CCDC181: variants seen among roughly 807,000 people sequenced by gnomAD.
CCDC181 encodes the protein coiled-coil domain containing 181.
Under a neutral mutation model 58.7 loss-of-function variants are expected in CCDC181, and 35 were observed. That is an observed-to-expected ratio of 0.60 (90% CI 0.46 to 0.79). CCDC181 has a LOEUF of 0.79. Among genes scored for constraint, CCDC181 ranks in the 30% least tolerant of loss-of-function variants. The pLI, the probability that CCDC181 is intolerant of heterozygous loss-of-function variation, is 0.00. For synonymous variants in CCDC181, 183 were observed against 197.5 expected (o/e 0.93, Z 0.62); for missense variants, 517 against 583.9 (o/e 0.89, Z 1.18).
intron 2 of CCDC181, chr1:169,454,363 C>T (rs1348692400): frequency 6.6e-6 from 1 of 151,820 alleles, no homozygotes; most frequent in Admixed American, 6.6e-5. Flanking sequence ...AACTACTTGC[C>T]AACTCAAAAA....
rs1369322629 is a variant in CCDC181, at chr1:169,395,087, G to A, written c.1490C>T (p.Ser497Leu). 2 of 1,611,444 alleles carry A rather than the reference G, an allele frequency of 1.2e-6. No homozygotes were observed. The highest frequency in any genetic ancestry group is 3.4e-5 in the Admixed American group (2 of 59,516). The change falls in exon 6 of 6, where the codon TCA becomes TTA. Residue 497 changes from serine (S) to leucine (L), a missense_variant. Ser to Leu is a moderately radical substitution (Grantham distance 145). Transcript: ENST00000367806. The stretch of plus-strand genomic sequence containing the variant: ...AGTAAAACGAAAAGGTTTGGCTTCT[G>A]ACATATATAGGTGGTGCTGTAACTG... The part of the protein sequence containing the change: ...SKQLQHHLYM[S>L]EAKPFRFTDH...
chr1:169,407,013 G>C (rs1195904617), intron 4 of CCDC181, among the ~76,000 whole-genome samples: 1 of 142,328 alleles, frequency 7.0e-6, no homozygotes, highest in Admixed American at 7.2e-5. Flanking sequence ...TCTAACATAC[G>C]TAAAATTGGA....
intron 2 of CCDC181, among the ~76,000 whole-genome samples, chr1:169,455,867 T>G (rs529161172): frequency 1.0e-3 from 155 of 152,296 alleles, no homozygotes; most frequent in African/African-American, 3.6e-3. Context: ...TTCTAAAATA[T>G]GTGTTTTTAG....
rs560502799 is a variant in CCDC181, at chr1:169,403,290, C to T, written c.1216-5899G>A. Among the ~76,000 whole-genome samples, 12 of 152,298 alleles carry T rather than the reference C, an allele frequency of 7.9e-5. No homozygotes were observed. The South Asian group carries it at 1.0e-3, about 13-fold the overall frequency. On this transcript the variant is annotated intron_variant, in intron 4 of 5. Transcript: ENST00000367806. ...TTAACAAGGATATCAAGGAATTGAA[C>T]GCAGCTCTGCACCAAGCGGACCTAA...
chr1:169,425,260 C>T (rs1333751050), intron 1 of CCDC181, among the ~76,000 whole-genome samples: 1 of 152,062 alleles, frequency 6.6e-6, no homozygotes, highest in East Asian at 1.9e-4. Context: ...AATAAATAAT[C>T]CACCAGCTGT....
chr1:169,395,311 T>A, intron 5 of CCDC181, 105 bp from the exon 6 acceptor site: 1 of 996,652 alleles, frequency 1.0e-6, no homozygotes, highest in Non-Finnish European at 1.4e-6. Context: ...TTCTTTACAA[T>A]GAAATACTGT....
At chr1:169,418,920 A>G (rs1310881193) in intron 4 of CCDC181, 93 bp downstream of exon 4, 2 of 1,004,446 alleles carry the variant, frequency 2.0e-6, no homozygotes, top group African/African-American at 1.6e-5. Context: ...TACTTCTTCC[A>G]TAGGCTGTTA....
upstream of CCDC181, among the ~76,000 whole-genome samples, chr1:169,430,906 G>A (rs1051866658): frequency 2.0e-5 from 3 of 152,106 alleles, no homozygotes; most frequent in African/African-American, 7.2e-5. Context: ...ATTGGTTGTG[G>A]AAAGCAACCA....
chr1:169,425,399 GT>G (rs1008626698), intron 1 of CCDC181, among the ~76,000 whole-genome samples: 3 of 151,904 alleles, frequency 2.0e-5, no homozygotes, highest in African/African-American at 4.8e-5. Context: ...GATAATTATT[GT>G]TTTTTTCTAA....
Position 169,395,089 on chromosome 1 carries a change from CA to C in CCDC181, c.1487del (p.Met496SerfsTer19). 6.2e-7 allele frequency: 1 copy of C among 1,611,418 alleles called. No homozygotes were observed. The highest frequency in any genetic ancestry group is 2.2e-5 in the East Asian group (1 of 44,690). The stretch of plus-strand genomic sequence containing the variant: ...TAAAACGAAAAGGTTTGGCTTCTGA[CA>C]TATATAGGTGGTGCTGTAACTGTTT... ...RSKQLQHHLYMSEAKPFRFTD... is the reference protein window; with the variant it reads ...RSKQLQHHLYXSEAKPFRFTD... On this transcript the variant is annotated frameshift_variant, in exon 6 of 6. Transcript: ENST00000367806. LOFTEE classifies it high-confidence loss of function.
intron 4 of CCDC181, among the ~76,000 whole-genome samples, chr1:169,408,634 T>G (rs1416633199): frequency 6.6e-6 from 1 of 152,124 alleles, no homozygotes; most frequent in African/African-American, 2.4e-5. Flanking sequence ...GAGAGACACC[T>G]CACACAGGAG....
At position 169,421,454 on chromosome 1, in the gene CCDC181, A is replaced by G. The variant is rs770791572; in HGVS notation, c.977T>C (p.Ile326Thr). 7 of 1,614,008 alleles carry G rather than the reference A, an allele frequency of 4.3e-6. No homozygotes were observed. The Admixed American group carries it at 1.0e-4, about 23-fold the overall frequency. ...ACAGTATGTTGAAGTCACTGGTGAG[A>G]TATGTGCAGACTGTGTCCTGTGATT... ...KSNHRTQSAHISPVTSTYCLS... is the reference protein window; with the variant it reads ...KSNHRTQSAHTSPVTSTYCLS... The change falls in exon 3 of 6, where the codon ATC (isoleucine) becomes ACC (threonine). Residue 326 changes from isoleucine to threonine, a missense_variant. Transcript: ENST00000367806.
chr1:169,437,080 A>G (rs1426812146), intron 2 of CCDC181, among the ~76,000 whole-genome samples: 5 of 152,052 alleles, frequency 3.3e-5, no homozygotes, highest in African/African-American at 4.8e-5. Flanking sequence ...TTTAAGGACA[A>G]TTTGGTGGGT....
chr1:169,404,111 G>A lies in CCDC181; in HGVS notation c.1216-6720C>T, dbSNP rs544972830. On this transcript the variant is annotated intron_variant, in intron 4 of 5. Coordinates refer to ENST00000367806, the MANE Select transcript of CCDC181 (RefSeq NM_001300969.2). ...CATACACCCTCCCAAGACTAAACCA[G>A]GAAGAAGCTGAATCCCTGAATAGAC... Among the ~76,000 whole-genome samples the A allele has an allele frequency of 2.0e-3, 300 of 152,260 alleles. 4 individuals carry two copies. The highest frequency in any genetic ancestry group is 7.0e-3 in the African/African-American group (291 of 41,544).
rs1299782124 is a variant in CCDC181, at chr1:169,422,150, G to T, written c.281C>A (p.Pro94His). Residue 94 changes from proline (P) to histidine (H), a missense_variant, in exon 3 of 6, where the codon CCC (proline) becomes CAC (histidine). Pro to His is a moderately conservative substitution (Grantham distance 77). Transcript: ENST00000367806. The stretch of plus-strand genomic sequence containing the variant: ...GTTTTCACTATCTGAATCTGATATG[G>T]GATCCAAAGGTTGAATACCTGGTAC... ...ISVPGIQPLD[P>H]ISDSDSENSF... 6.2e-7 allele frequency: 1 copy of T among 1,613,280 alleles called. No homozygotes were observed.
intron 2 of CCDC181, chr1:169,443,383 A>C (rs1474181088): frequency 6.6e-6 from 1 of 152,132 alleles, no homozygotes; most frequent in South Asian, 2.1e-4. Context: ...TCAGTATGTG[A>C]TTAGAAGTCT....
At chr1:169,423,081 T>A (rs1394524645) in intron 2 of CCDC181, among the ~76,000 whole-genome samples, 1 of 104,038 alleles carries the variant, frequency 9.6e-6, no homozygotes, top group African/African-American at 3.2e-5. Context: ...ATATATATTT[T>A]TTCTCTTTGT....
chr1:169,449,309 G>A (rs977052189), intron 2 of CCDC181, among the ~76,000 whole-genome samples: 2 of 152,292 alleles, frequency 1.3e-5, no homozygotes, highest in East Asian at 3.9e-4. Context: ...GAGGTGGGTT[G>A]TATTTGATGT....
At chr1:169,442,485 G>C (rs868575451) in intron 2 of CCDC181, among the ~76,000 whole-genome samples, 2 of 152,044 alleles carry the variant, frequency 1.3e-5, no homozygotes, top group African/African-American at 2.4e-5. Context: ...TCAGATCTCT[G>C]AATTTCTAGT....
Sources: allele counts gnomAD v4.1 joint callset (sites outside exome capture counted in the v4.1 genomes callset), GRCh38; gene constraint gnomAD v4.1.1; transcripts MANE v1.5; gene names NCBI Gene and HGNC (gene_info 2026-07-23, HGNC 2026-07-21).